Variants in THBS2 observed in about 807,000 individuals in gnomAD.
THBS2 encodes the protein thrombospondin 2, also known as thrombospondin-2.
A neutral mutation model predicts 135.2 loss-of-function variants in THBS2; 47 were observed. The ratio of observed to expected loss-of-function variants is 0.35; its 90% confidence interval spans 0.28 to 0.44. The LOEUF (loss-of-function observed/expected upper bound fraction) is 0.44, where lower values mean the gene tolerates loss of function less well. Ranked by LOEUF, THBS2 falls within the 20% of genes least tolerant of loss-of-function variation. The probability of loss-of-function intolerance (pLI) is 1.00; values close to 1 mark genes in which losing one functional copy is unlikely to be tolerated. For missense variants in THBS2, 1,288 were observed against 1,603.1 expected (o/e 0.80, Z 3.36); for synonymous variants, 639 against 633.8 (o/e 1.01, Z -0.12).
At chr6:169,218,489 AATGG>A (rs573244844) in intron 21 of THBS2, among the ~76,000 whole-genome samples, 450 of 107,860 alleles carry the variant, frequency 4.2e-3, no homozygotes, top group Non-Finnish European at 6.0e-3. Context: ...GGGTGGATGA[AATGG>A]ATGGGTGGAT....
chr6:169,223,113 G>C, intron 18 of THBS2, 135 bp downstream of exon 18: 1 of 788,752 alleles, frequency 1.3e-6, no homozygotes, highest in Non-Finnish European at 2.0e-6. Context: ...CAGTTTCACA[G>C]ACCATGGAAG....
chr6:169,239,544 A>ATAAG (rs1780218293), intron 7 of THBS2, 55 bp downstream of exon 7: 3 of 1,484,798 alleles, frequency 2.0e-6, no homozygotes, highest in Non-Finnish European at 2.8e-6. Flanking sequence ...AAATAAACAA[A>ATAAG]CAAGCATGGA....
Position 169,241,280 on chromosome 6 carries a change from C to T in THBS2, c.891+482G>A, listed in dbSNP as rs9505929. On this transcript the variant is annotated intron_variant, in intron 5 of 21. Transcript: ENST00000617924. The surrounding 1 kb of genome is among the most constrained non-coding windows in gnomAD (Gnocchi z 5.5). ...AGCCCCGCAGGCATCGCTCTCTCTTCCTGGCCGCGCTGTGCCGCTCAAACC... is the reference window on the plus strand; with the variant it reads ...AGCCCCGCAGGCATCGCTCTCTCTTTCTGGCCGCGCTGTGCCGCTCAAACC... 6.6e-6 allele frequency among the ~76,000 whole-genome samples: 1 copy of T among 152,190 alleles called. No individual in the cohort carries two copies.
rs144009376 is a variant in THBS2 at position 169,227,989 on chromosome 6, G to C, written c.2419+133C>G. On this transcript the variant is annotated intron_variant, in intron 15 of 21. Coordinates refer to ENST00000617924, the MANE Select transcript of THBS2 (RefSeq NM_003247.5). ...CCAGCTACTCAGGAGGCTGAAGCAG[G>C]AGACTCACTTGAACCCAAAAGGTGG... The C allele has an allele frequency of 5.2e-3, 5,602 of 1,068,928 alleles. 205 individuals carry two copies. In the African/African-American group the frequency reaches 0.079, roughly 15 times the overall value. 66.2% of individuals were successfully genotyped at this position (1,068,928 alleles called of 1,614,324 possible).
chr6:169,243,733 A>G (rs1425843320), intron 4 of THBS2, among the ~76,000 whole-genome samples: 3 of 152,240 alleles, frequency 2.0e-5, no homozygotes, highest in African/African-American at 7.2e-5. Flanking sequence ...AAGTTAAACA[A>G]AAGACCGCAT....
chr6:169,242,330 C>A (rs1234325109), intron 4 of THBS2, among the ~76,000 whole-genome samples: 1 of 152,092 alleles, frequency 6.6e-6, no homozygotes, highest in East Asian at 1.9e-4. Flanking sequence ...GTCACTCAGA[C>A]CCAGGTCCCC....
chr6:169,233,109 T>G, intron 10 of THBS2, 92 bp from the exon 11 acceptor site: 3 of 1,416,172 alleles, frequency 2.1e-6, no homozygotes, highest in Non-Finnish European at 1.8e-6. Flanking sequence ...CTCTGGGATG[T>G]CTTTGTCATC....
At chr6:169,237,137 G>C (rs116572125) in intron 9 of THBS2, 33 bp downstream of exon 9, 1 of 1,574,964 alleles carries the variant, frequency 6.3e-7, no homozygotes, top group African/African-American at 1.3e-5. Context: ...CTGCAAGCCC[G>C]CCCACCCAGG....
chr6:169,240,343 G>A (rs1163067074), intron 6 of THBS2, 109 bp downstream of exon 6: 1 of 1,436,918 alleles, frequency 7.0e-7, no homozygotes, highest in Non-Finnish European at 9.4e-7. Flanking sequence ...TCACATAGCT[G>A]AACCGGTTTC....
Position 169,242,108 on chromosome 6 carries a change from C to T in THBS2, c.695-150G>A, listed in dbSNP as rs1223062562. ...GGAGGACTGGGCCAGCAGCAGAGGCCAGGACCACAGGGAGGACCATCTGCC... is the reference window on the plus strand; with the variant it reads ...GGAGGACTGGGCCAGCAGCAGAGGCTAGGACCACAGGGAGGACCATCTGCC... On this transcript the variant is annotated intron_variant, in intron 4 of 21. Coordinates refer to ENST00000617924, the MANE Select transcript of THBS2 (RefSeq NM_003247.5). 25 of 875,418 alleles carry T rather than the reference C, an allele frequency of 2.9e-5. 1 individual carries two copies. The South Asian group carries it at 4.5e-4, about 16-fold the overall frequency. The allele number at this position is 875,418 out of a possible 1,614,324, so 54.2% of individuals were successfully genotyped here. A position where few individuals can be genotyped will look rare whatever the true frequency, so the allele number is the denominator to read the frequency against.
At chr6:169,243,499 C>T (rs78789961) in intron 4 of THBS2, among the ~76,000 whole-genome samples, 2,273 of 152,300 alleles carry the variant, frequency 0.015, 35 homozygotes, top group East Asian at 0.078. Flanking sequence ...CATTTTACAG[C>T]GCTGTCAGGC....
At chr6:169,248,163 GAGCA>G (rs1780619578) in intron 3 of THBS2, among the ~76,000 whole-genome samples, 1 of 151,288 alleles carries the variant, frequency 6.6e-6, no homozygotes, top group Non-Finnish European at 1.5e-5. Flanking sequence ...ATGTGTTTGT[GAGCA>G]TGTGTGTTTG....
intron 4 of THBS2, among the ~76,000 whole-genome samples, chr6:169,242,815 CA>C (rs1780385083): frequency 1.9e-5 from 1 of 51,544 alleles, no homozygotes; most frequent in Admixed American, 2.0e-4. Flanking sequence ...ACCTTCCCAC[CA>C]CTCCCACCTT....
chr6:169,225,296 G>A lies in THBS2; in HGVS notation c.2622C>T (p.Asp874=), dbSNP rs771555995. 6.7e-5 allele frequency: 107 copies of A among 1,596,420 alleles called. No homozygotes were observed. The highest frequency in any genetic ancestry group is 9.1e-5 in the Non-Finnish European group (106 of 1,171,178). The part of the protein sequence containing the change: ...IDDDGHQNNQ[D]NCPYISNANQ... ...TGGCGTTGGAGATGTAGGGGCAGTT[G>A]TCCTGGTTGTTCTGGTGGCCGTCGT... The change falls in exon 17 of 22, where the codon GAC becomes GAT. Residue 874 remains aspartate (D), a synonymous_variant. Coordinates refer to ENST00000617924, the MANE Select transcript of THBS2 (RefSeq NM_003247.5).
intron 4 of THBS2, among the ~76,000 whole-genome samples, chr6:169,244,603 C>A (rs1780482798): frequency 2.2e-5 from 1 of 46,406 alleles, no homozygotes. Context: ...CACGCACGCA[C>A]ACACACACAC....
intron 2 of THBS2, among the ~76,000 whole-genome samples, chr6:169,249,239 A>G (rs1428862183): frequency 6.6e-6 from 1 of 152,136 alleles, no homozygotes; most frequent in African/African-American, 2.4e-5. Context: ...CTGGTCGAGG[A>G]GCGTGTGCCA....
chr6:169,225,145 C>T lies in THBS2; in HGVS notation c.2773G>A (p.Gly925Ser), dbSNP rs1398216616. 5 of 1,614,028 alleles carry T rather than the reference C, an allele frequency of 3.1e-6. No individual in the cohort carries two copies. Among genetic ancestry groups the T allele is most frequent in the Non-Finnish European group, 4.2e-6 (5 of 1,179,924 alleles). Reference sequence around the variant, plus strand: ...GCCCATGAGCTGAGAGAGCACCCACCGTCCAAGTCCTCCTGGTCTGGGTTG... The same window carrying T: ...GCCCATGAGCTGAGAGAGCACCCACTGTCCAAGTCCTCCTGGTCTGGGTTG... ...VFNPDQEDLD[G>S]DGRGDICKDD... The change falls in exon 17 of 22, where the codon GGT becomes AGT. Residue 925 changes from glycine (G) to serine (S), a missense_variant and splice_region_variant. Transcript: ENST00000617924.
Position 169,234,904 on chromosome 6 carries a change from T to C in THBS2, c.1481A>G (p.Asp494Gly). Reference protein sequence around the residue: ...KACQGAPCPIDGRWSPWSPWS... With the variant: ...KACQGAPCPIGGRWSPWSPWS... Reference sequence around the variant, plus strand: ...CGGGGACCAGGGGCTCCAGCGGCCATCGACTGCGGGGAAAGCCAACCAGGG... The same window carrying C: ...CGGGGACCAGGGGCTCCAGCGGCCACCGACTGCGGGGAAAGCCAACCAGGG... Residue 494 changes from aspartate to glycine, a missense_variant, in exon 10 of 22, where the codon GAT (aspartate) becomes GGT (glycine). Transcript: ENST00000617924. The C allele has an allele frequency of 6.3e-7, 1 of 1,595,596 alleles. No homozygotes were observed. The highest frequency in any genetic ancestry group is 8.5e-7 in the Non-Finnish European group (1 of 1,170,404).
intron 14 of THBS2, 63 bp downstream of exon 14, chr6:169,229,509 G>C (rs1212074976): frequency 4.5e-6 from 6 of 1,341,210 alleles, no homozygotes; most frequent in Non-Finnish European, 6.4e-6. Flanking sequence ...GTATAAAGTG[G>C]CCTCCTGTGG....
Sources: allele counts gnomAD v4.1 joint callset (sites outside exome capture counted in the v4.1 genomes callset), GRCh38; gene constraint gnomAD v4.1.1; non-coding constraint Gnocchi (gnomAD v3.1); transcripts MANE v1.5; gene names NCBI Gene and HGNC (gene_info 2026-07-23, HGNC 2026-07-21).